The following NHS variants were observed in gnomAD, a reference collection of about 807,000 sequenced individuals.
NHS encodes the protein actin remodeling regulator NHS.
A neutral mutation model predicts 72.5 loss-of-function variants in NHS; 5 were observed. That is an observed-to-expected ratio of 0.07 (90% CI 0.04 to 0.14). The LOEUF is 0.14. Among genes scored for constraint, NHS ranks in the 10% least tolerant of loss-of-function variants. The pLI, the probability that NHS is intolerant of heterozygous loss-of-function variation, is 1.00. For synonymous variants in NHS, 464 were observed against 547.7 expected, an observed-to-expected ratio of 0.85 and a Z score of 2.13; for missense variants, 1,072 against 1,355.7, an observed-to-expected ratio of 0.79 and a Z score of 3.29.
chrX:17,561,570 G>GCACACACACA lies in NHS; in HGVS notation c.566-126171_566-126170insACACACACAC, dbSNP rs1365009034. 2.5e-3 allele frequency among the ~76,000 whole-genome samples: 157 copies of GCACACACACA among 63,140 alleles called. 2 individuals carry two copies. Among genetic ancestry groups the GCACACACACA allele is most frequent in the African/African-American group, 0.01 (143 of 14,071 alleles). The allele number at this position is 63,140 out of a possible 115,157, so 54.8% of individuals were successfully genotyped here. On this transcript the variant is annotated intron_variant, in intron 1 of 8. Coordinates refer to ENST00000676302, the MANE Select transcript of NHS (RefSeq NM_001291867.2). ...CATGCAAGTGCATGCGCGCGCGCGCGCGCGCACACACACACACACACACAC... is the reference window on the plus strand; with the variant it reads ...CATGCAAGTGCATGCGCGCGCGCGCGCACACACACACGCGCACACACACACACACACACAC...
chrX:17,436,126 G>A (rs959437991), intron 1 of NHS, among the ~76,000 whole-genome samples: 1 of 112,163 alleles, frequency 8.9e-6, no homozygotes, highest in Non-Finnish European at 1.9e-5. Context: ...TGGAAAAAGT[G>A]TGTGTTTTTT....
chrX:17,455,595 T>A (rs1293754143), intron 1 of NHS, among the ~76,000 whole-genome samples: 2 of 112,125 alleles, frequency 1.8e-5, no homozygotes, highest in African/African-American at 3.2e-5. Context: ...CCAAAGCGCA[T>A]GCCCTCAACT....
chrX:17,570,544 G>T (rs941158794), intron 1 of NHS, among the ~76,000 whole-genome samples: 5 of 111,789 alleles, frequency 4.5e-5, no homozygotes, highest in Non-Finnish European at 7.5e-5. Flanking sequence ...TGCTGAAGTT[G>T]CTTATCAGCT....
chrX:17,555,067 A>G (rs771995787), intron 1 of NHS, among the ~76,000 whole-genome samples: 1 of 109,617 alleles, frequency 9.1e-6, no homozygotes, highest in South Asian at 4.0e-4. Context: ...GTTCTCATTG[A>G]GAAACAGCTG....
chrX:17,505,665 A>G (rs2065054354), intron 1 of NHS, among the ~76,000 whole-genome samples: 1 of 109,780 alleles, frequency 9.1e-6, no homozygotes, highest in South Asian at 4.0e-4. Flanking sequence ...CAGAGGCTCA[A>G]AGAGGGAAAG....
chrX:17,607,180 G>A (rs765780118), intron 1 of NHS, among the ~76,000 whole-genome samples: 9 of 111,473 alleles, frequency 8.1e-5, no homozygotes, highest in Non-Finnish European at 1.3e-4. Flanking sequence ...GGTGGTCCCT[G>A]GTGTACTTGG....
intron 1 of NHS, among the ~76,000 whole-genome samples, chrX:17,512,325 T>A: frequency 8.9e-6 from 1 of 112,233 alleles, no homozygotes; most frequent in Non-Finnish European, 1.9e-5. Context: ...GTTTTACACA[T>A]AATGTATGTT....
In NHS at chrX:17,732,848, A is replaced by T; in HGVS notation, c.*384A>T. 1 of 186,321 alleles carries T rather than the reference A, an allele frequency of 5.4e-6. No individual in the cohort carries two copies. The highest frequency in any genetic ancestry group is 2.9e-5 in the African/African-American group (1 of 34,414). 15.4% of individuals were successfully genotyped at this position (186,321 alleles called of 1,213,427 possible). On this transcript the variant is annotated 3_prime_UTR_variant, in exon 9 of 9. Transcript: ENST00000676302. ...CTTTAAGAAGATGAAATTACTCTGG[A>T]TGTTTGGTATTTTTTTACATTAAAA... is the stretch of plus-strand genomic sequence containing the variant.
At chrX:17,510,835 C>A (rs2065083989) in intron 1 of NHS, among the ~76,000 whole-genome samples, 1 of 112,590 alleles carries the variant, frequency 8.9e-6, no homozygotes, top group Non-Finnish European at 1.9e-5. Context: ...ATTTACTCAT[C>A]AATTCTAAAG....
At chrX:17,412,735 T>C (rs781403347) in intron 1 of NHS, among the ~76,000 whole-genome samples, 1 of 112,937 alleles carries the variant, frequency 8.9e-6, no homozygotes, top group East Asian at 2.8e-4. Context: ...CTAGTGCTTG[T>C]TGACTCAAAC....
Position 17,692,410 on chromosome X carries a change from C to T in NHS, c.794C>T (p.Ala265Val). ...PLSIAAPPLP[A>V]YPPAHSQRRR... is the part of the protein sequence containing the mutation. Reference sequence around the variant, plus strand: ...TCCATTGCAGCTCCTCCACTGCCAGCCTACCCTCCAGCTCACAGCCAGAGG... The same window carrying T: ...TCCATTGCAGCTCCTCCACTGCCAGTCTACCCTCCAGCTCACAGCCAGAGG... The change falls in exon 3 of 9, where the codon GCC becomes GTC. Residue 265 changes from alanine to valine, a missense_variant. By Grantham distance (64) the Ala-to-Val change is moderately conservative (BLOSUM62 0). Transcript: ENST00000676302. The T allele has an allele frequency of 8.3e-7, 1 of 1,210,696 alleles. No individual in the cohort carries two copies. The highest frequency in any genetic ancestry group is 1.1e-6 in the Non-Finnish European group (1 of 895,223).
intron 1 of NHS, among the ~76,000 whole-genome samples, chrX:17,649,475 G>A (rs1227865701): frequency 1.8e-5 from 2 of 111,169 alleles, no homozygotes; most frequent in East Asian, 5.6e-4. Context: ...GCCAGGTTGG[G>A]CAAAACCTTT....
intron 4 of NHS, among the ~76,000 whole-genome samples, chrX:17,721,238 G>T (rs2066404006): frequency 8.9e-6 from 1 of 111,845 alleles, no homozygotes; most frequent in Non-Finnish European, 1.9e-5. Flanking sequence ...TGTTTATTTA[G>T]CCCATTTCTT....
intron 1 of NHS, among the ~76,000 whole-genome samples, chrX:17,418,226 T>C (rs911890659): frequency 8.9e-6 from 1 of 111,947 alleles, no homozygotes; most frequent in Non-Finnish European, 1.9e-5. Flanking sequence ...ATGAGCTAGA[T>C]GGCAAATGTA....
At chrX:17,518,779 G>A (rs1341258417) in intron 1 of NHS, among the ~76,000 whole-genome samples, 1 of 111,710 alleles carries the variant, frequency 9.0e-6, no homozygotes, top group Non-Finnish European at 1.9e-5. Flanking sequence ...ACTGATGACT[G>A]GGTCCTACTC....
chrX:17,437,555 G>T (rs1232858441), intron 1 of NHS, among the ~76,000 whole-genome samples: 1 of 111,113 alleles, frequency 9.0e-6, no homozygotes, highest in Non-Finnish European at 1.9e-5. Flanking sequence ...GAGATCCCTG[G>T]GCCTCTTCCA....
intron 3 of NHS, among the ~76,000 whole-genome samples, chrX:17,703,610 A>G (rs1280368263): frequency 1.8e-5 from 2 of 112,443 alleles, no homozygotes; most frequent in Admixed American, 9.4e-5. Context: ...CAGGAAGCCA[A>G]TATAACCAGG....
chrX:17,491,189 T>C (rs1460680750), intron 1 of NHS, among the ~76,000 whole-genome samples: 2 of 111,780 alleles, frequency 1.8e-5, no homozygotes, highest in African/African-American at 6.5e-5. Flanking sequence ...AGAGAGGGCA[T>C]CCTTGTCTTG....
chrX:17,462,426 A>G (rs2064851587), intron 1 of NHS, among the ~76,000 whole-genome samples: 1 of 111,555 alleles, frequency 9.0e-6, no homozygotes, highest in Admixed American at 9.5e-5. Flanking sequence ...CTTAACCACT[A>G]TAACATCCTG....
Sources: gnomAD v4.1 joint callset for allele counts (sites outside exome capture counted in the v4.1 genomes callset) on GRCh38, gnomAD v4.1.1 for gene constraint, MANE v1.5 for transcripts, NCBI Gene and HGNC (gene_info 2026-07-23, HGNC 2026-07-21) for gene names.